ZNF804B: variants seen among roughly 807,000 people sequenced by gnomAD.
ZNF804B encodes zinc finger 804B.
A neutral mutation model predicts 101.4 loss-of-function variants in ZNF804B; 80 were observed. That is an observed-to-expected ratio of 0.79 (90% CI 0.66 to 0.95). ZNF804B has a LOEUF of 0.95. Ranked by LOEUF, ZNF804B falls within the 40% of genes least tolerant of loss-of-function variation. The probability of loss-of-function intolerance (pLI) is 0.00; values close to 1 mark genes in which losing one functional copy is unlikely to be tolerated. For synonymous variants in ZNF804B, 622 were observed against 558.8 expected (o/e 1.11, Z -1.59); for missense variants, 1,673 against 1,561.9 (o/e 1.07, Z -1.20).
At chr7:88,845,659 T>G (rs1791362661) in intron 1 of ZNF804B, among the ~76,000 whole-genome samples, 1 of 152,084 alleles carries the variant, frequency 6.6e-6, no homozygotes, top group African/African-American at 2.4e-5. Flanking sequence ...TGAGACAGGA[T>G]CTCACTTCCT....
chr7:89,158,320 C>A (rs1791006780), intron 1 of ZNF804B, among the ~76,000 whole-genome samples: 1 of 152,142 alleles, frequency 6.6e-6, no homozygotes, highest in South Asian at 2.1e-4. Flanking sequence ...GCACTGCCCT[C>A]CGTATAATCT....
chr7:89,043,949 G>T (rs1789058666), intron 1 of ZNF804B, among the ~76,000 whole-genome samples: 2 of 152,092 alleles, frequency 1.3e-5, no homozygotes, highest in African/African-American at 2.4e-5. Context: ...ACATTCTAAA[G>T]AATTTATGGT....
Position 89,336,012 on chromosome 7 carries a change from C to T in ZNF804B, c.3030C>T (p.His1010=), listed in dbSNP as rs568168996. 9.9e-6 allele frequency: 16 copies of T among 1,613,932 alleles called. No homozygotes were observed. Among genetic ancestry groups the T allele is most frequent in the Middle Eastern group, 3.3e-4 (2 of 6,062 alleles). The change falls in exon 4 of 4, where the codon CAC becomes CAT. Residue 1010 remains histidine (H), a synonymous_variant. Coordinates refer to ENST00000333190, the MANE Select transcript of ZNF804B (RefSeq NM_181646.5). ...AGAAAGACAAAAGCAAAAGTTCACACACAAATAATTTTACAATTTTAGCAG... is the reference window on the plus strand; with the variant it reads ...AGAAAGACAAAAGCAAAAGTTCACATACAAATAATTTTACAATTTTAGCAG... ...TTEKDKSKSS[H]TNNFTILADT...
intron 1 of ZNF804B, among the ~76,000 whole-genome samples, chr7:89,087,338 TA>T (rs34120249): frequency 0.3 from 45,050 of 150,698 alleles, 7,049 homozygotes; most frequent in East Asian, 0.52. Context: ...TTTCTGATTA[TA>T]AAAAAAAAGG....
chr7:88,977,933 A>G (rs973496370), intron 1 of ZNF804B, among the ~76,000 whole-genome samples: 2 of 147,996 alleles, frequency 1.4e-5, no homozygotes, highest in Non-Finnish European at 3.0e-5. Flanking sequence ...TTGTGTTTTG[A>G]TTTTCGTTTG....
chr7:89,033,451 G>A (rs1562866033), intron 1 of ZNF804B, among the ~76,000 whole-genome samples: 1 of 152,102 alleles, frequency 6.6e-6, no homozygotes, highest in Non-Finnish European at 1.5e-5. Flanking sequence ...TGACCAACTG[G>A]TTTCAAATAT....
chr7:89,200,003 G>A (rs1215120420), intron 1 of ZNF804B, among the ~76,000 whole-genome samples: 3 of 150,226 alleles, frequency 2.0e-5, no homozygotes, highest in South Asian at 4.2e-4. Context: ...ATTTAAAAAT[G>A]TATTTGTTCA....
intron 1 of ZNF804B, among the ~76,000 whole-genome samples, chr7:89,078,425 G>C (rs1789644346): frequency 6.6e-6 from 1 of 151,632 alleles, no homozygotes; most frequent in Non-Finnish European, 1.5e-5. Context: ...GTATGCAAGA[G>C]TCTTTGAAAT....
At chr7:89,058,649 G>A (rs1054745181) in intron 1 of ZNF804B, among the ~76,000 whole-genome samples, 16 of 152,156 alleles carry the variant, frequency 1.1e-4, no homozygotes, top group African/African-American at 3.4e-4. Context: ...TTCCCACTGG[G>A]GAAAGTCAAA....
intron 1 of ZNF804B, among the ~76,000 whole-genome samples, chr7:89,146,459 A>G (rs1427645744): frequency 6.6e-6 from 1 of 152,088 alleles, no homozygotes; most frequent in African/African-American, 2.4e-5. Flanking sequence ...AGCTGGAAGT[A>G]GCTTCCCTGT....
At position 88,926,939 on chromosome 7, in the gene ZNF804B, G is replaced by C. The variant is rs199880567; in HGVS notation, c.108+166855G>C. ...CACTTAGATGTCTGCCGGGTGGTGGGGAGCGGGGGGAAAGCTGTTCTGTAG... is the reference window on the plus strand; with the variant it reads ...CACTTAGATGTCTGCCGGGTGGTGGCGAGCGGGGGGAAAGCTGTTCTGTAG... On this transcript the variant is annotated intron_variant, in intron 1 of 3. Coordinates refer to ENST00000333190, the MANE Select transcript of ZNF804B (RefSeq NM_181646.5). 5.2e-3 allele frequency among the ~76,000 whole-genome samples: 342 copies of C among 65,336 alleles called. 5 individuals carry two copies. The highest frequency in any genetic ancestry group is 0.018 in the East Asian group (26 of 1,468). 42.9% of individuals were successfully genotyped at this position (65,336 alleles called of 152,430 possible).
rs538458881 is a variant in ZNF804B at position 89,015,027 on chromosome 7, A to G, written c.109-203128A>G. Among the ~76,000 whole-genome samples the G allele has an allele frequency of 3.9e-5, 6 of 152,280 alleles. No homozygotes were observed. The South Asian group carries it at 1.2e-3, about 32-fold the overall frequency. ...AACCCATTTTGAGTTGATTTTTTGC[A>G]TAAAGTAAGAAATGGAGGTCTGCTT... is the stretch of plus-strand genomic sequence containing the variant. On this transcript the variant is annotated intron_variant, in intron 1 of 3. Transcript: ENST00000333190.
At chr7:88,762,455 C>T (rs886469928) in intron 1 of ZNF804B, among the ~76,000 whole-genome samples, 2 of 152,156 alleles carry the variant, frequency 1.3e-5, no homozygotes. Context: ...GGACCTTAGA[C>T]CCTTACACAC....
chr7:89,134,288 G>A (rs576122015), intron 1 of ZNF804B, among the ~76,000 whole-genome samples: 8 of 152,152 alleles, frequency 5.3e-5, no homozygotes, highest in Non-Finnish European at 1.0e-4. Flanking sequence ...TAAGTAAGAT[G>A]AAATTTTTAA....
At chr7:89,256,167 T>C (rs759880371) in intron 2 of ZNF804B, among the ~76,000 whole-genome samples, 4 of 152,170 alleles carry the variant, frequency 2.6e-5, no homozygotes, top group Non-Finnish European at 4.4e-5. Context: ...AGTAACACTT[T>C]CACATTTGTA....
chr7:89,068,769 A>G (rs182841387), intron 1 of ZNF804B, among the ~76,000 whole-genome samples: 10 of 152,368 alleles, frequency 6.6e-5, no homozygotes, highest in African/African-American at 2.4e-4. Context: ...GAAAGTTATC[A>G]GAATGTGTAA....
At chr7:89,244,032 C>T (rs974331101) in intron 2 of ZNF804B, among the ~76,000 whole-genome samples, 1 of 151,938 alleles carries the variant, frequency 6.6e-6, no homozygotes, top group Non-Finnish European at 1.5e-5. Context: ...TATTTTACTA[C>T]CCCTTTAAAA....
intron 1 of ZNF804B, among the ~76,000 whole-genome samples, chr7:89,126,781 T>G (rs1223550637): frequency 6.6e-6 from 1 of 151,872 alleles, no homozygotes; most frequent in African/African-American, 2.4e-5. Context: ...CTTCTTTAAA[T>G]TATACACTGT....
chr7:88,928,374 A>G (rs1218538976), intron 1 of ZNF804B, among the ~76,000 whole-genome samples: 1 of 152,180 alleles, frequency 6.6e-6, no homozygotes, highest in African/African-American at 2.4e-5. Context: ...ACTCTGACTT[A>G]CAAAGTAGCA....
Sources: allele counts gnomAD v4.1 joint callset (sites outside exome capture counted in the v4.1 genomes callset), GRCh38; gene constraint gnomAD v4.1.1; transcripts MANE v1.5; gene names NCBI Gene and HGNC (gene_info 2026-07-23, HGNC 2026-07-21).